The following CUX1 variants were observed in gnomAD, a reference collection of about 807,000 sequenced individuals.
CUX1 encodes the protein protein CASP.
Under a neutral mutation model 158.8 loss-of-function variants are expected in CUX1, and 31 were observed. The observed-to-expected ratio is 0.20, with a 90% CI of 0.15 to 0.26. The LOEUF (loss-of-function observed/expected upper bound fraction) is 0.26. Ranked by LOEUF, CUX1 falls within the 10% of genes least tolerant of loss-of-function variation. The pLI is 1.00. For synonymous variants in CUX1, 879 were observed against 862.1 expected (o/e 1.02, Z -0.34); for missense variants, 1,589 against 2,014.6 (o/e 0.79, Z 4.04).
chr7:102,064,465 T>G (rs1825309286), intron 3 of CUX1, among the ~76,000 whole-genome samples: 1 of 151,916 alleles, frequency 6.6e-6, no homozygotes, highest in South Asian at 2.1e-4. Context: ...AGACCTCACC[T>G]TAGACGTTTG....
intron 6 of CUX1, among the ~76,000 whole-genome samples, chr7:102,111,125 G>A (rs1398201096): frequency 1.3e-5 from 2 of 151,644 alleles, no homozygotes; most frequent in African/African-American, 2.4e-5. Flanking sequence ...CCCAGATTAA[G>A]AGGAAGGAAT....
rs1029368197 is a variant in CUX1 at position 101,916,813 on chromosome 7, G to A, written c.141+588G>A. ...CTCCTGTTTTTTCTCTCGTGAGTGT[G>A]CAATCGGGGGACAGTGTTGAGTTGC... On this transcript the variant is annotated intron_variant, in intron 2 of 23. Transcript: ENST00000292535. This position sits in a 1 kb window ranked among gnomAD's most constrained non-coding sequence, Gnocchi z 4.4. Among the ~76,000 whole-genome samples, 1 of 152,136 alleles carries A rather than the reference G, an allele frequency of 6.6e-6. No homozygotes were observed. Among genetic ancestry groups the A allele is most frequent in the African/African-American group, 2.4e-5 (1 of 41,424 alleles).
chr7:102,169,271 G>T (rs1299160008), intron 9 of CUX1, among the ~76,000 whole-genome samples: 1 of 152,096 alleles, frequency 6.6e-6, no homozygotes, highest in Non-Finnish European at 1.5e-5. Context: ...GTTTCACCAT[G>T]TTGGCCAGGC....
chr7:101,898,629 G>A (rs1347206366), intron 1 of CUX1, among the ~76,000 whole-genome samples: 1 of 138,024 alleles, frequency 7.2e-6, no homozygotes, highest in African/African-American at 2.7e-5. Flanking sequence ...CTTGCCCTGT[G>A]GCCTGGGCTG....
intron 2 of CUX1, among the ~76,000 whole-genome samples, chr7:101,931,123 G>C (rs1161164400): frequency 6.6e-6 from 1 of 152,156 alleles, no homozygotes; most frequent in Non-Finnish European, 1.5e-5. Flanking sequence ...CACACATTTT[G>C]CAACAAGAGA....
chr7:101,888,469 C>G (rs1005881276), intron 1 of CUX1, among the ~76,000 whole-genome samples: 2 of 152,202 alleles, frequency 1.3e-5, no homozygotes, highest in Admixed American at 6.5e-5. Flanking sequence ...CCTCTTAATA[C>G]ATTGGTTTAT....
chr7:101,944,170 C>G (rs1488410001), intron 2 of CUX1, among the ~76,000 whole-genome samples: 2 of 152,094 alleles, frequency 1.3e-5, no homozygotes, highest in Non-Finnish European at 2.9e-5. Context: ...GTCCCAGCCC[C>G]TCCCGATGGC....
Position 102,253,129 on chromosome 7 carries a change from C to A in CUX1, c.*4087C>A. The A allele has an allele frequency of 1.0e-6, 1 of 985,584 alleles. No individual in the cohort carries two copies. Among genetic ancestry groups the A allele is most frequent in the Non-Finnish European group, 1.2e-6 (1 of 830,010 alleles). 61.1% of individuals were successfully genotyped at this position (985,584 alleles called of 1,614,324 possible). A position where few individuals can be genotyped will look rare whatever the true frequency, so the allele number is the denominator to read the frequency against. ...TGCTCAGTTTCCTTCCTGTCGCCAT[C>A]TTTGTTTTCTTCCCATTGAAAAACC... On this transcript the variant is annotated 3_prime_UTR_variant, in exon 24 of 24. Coordinates refer to ENST00000292535, the MANE Select transcript of CUX1 (RefSeq NM_181552.4).
intron 1 of CUX1, among the ~76,000 whole-genome samples, chr7:101,884,583 G>A (rs1023731749): frequency 2.0e-5 from 3 of 152,170 alleles, no homozygotes; most frequent in African/African-American, 7.2e-5. Flanking sequence ...TGGGAAAGCA[G>A]GCTTCTCTAA....
chr7:101,950,922 C>T (rs1005467281), intron 2 of CUX1, among the ~76,000 whole-genome samples: 2 of 152,182 alleles, frequency 1.3e-5, no homozygotes, highest in African/African-American at 2.4e-5. Flanking sequence ...TTCTTAGTTA[C>T]CATAGCAACT....
At chr7:102,099,399 T>C (rs900594861) in intron 5 of CUX1, among the ~76,000 whole-genome samples, 5 of 152,090 alleles carry the variant, frequency 3.3e-5, no homozygotes, top group Admixed American at 2.6e-4. Flanking sequence ...ATCACGCCAG[T>C]ATTGCAGTAA....
At chr7:102,137,963 ATCACT>A (rs1417146630) in intron 8 of CUX1, among the ~76,000 whole-genome samples, 1 of 152,134 alleles carries the variant, frequency 6.6e-6, no homozygotes, top group Admixed American at 6.6e-5. Context: ...AGGCAGAAGG[ATCACT>A]TGAACCCAGG....
chr7:102,277,066 G>A (rs1251939819), intron 17 of CUX1, among the ~76,000 whole-genome samples: 2 of 152,300 alleles, frequency 1.3e-5, no homozygotes, highest in East Asian at 3.9e-4. Context: ...TTGGGAGGCC[G>A]AAGTGGGAAG....
chr7:102,066,996 C>T (rs1013357033), intron 3 of CUX1, among the ~76,000 whole-genome samples: 3 of 152,126 alleles, frequency 2.0e-5, no homozygotes, highest in Non-Finnish European at 4.4e-5. Context: ...ATTCACATAC[C>T]ATATAATTCA....
intron 4 of CUX1, among the ~76,000 whole-genome samples, chr7:102,077,812 T>C (rs1283027075): frequency 6.6e-6 from 1 of 152,156 alleles, no homozygotes; most frequent in East Asian, 1.9e-4. Context: ...ATTATGACAG[T>C]ATGCATAATT....
intron 1 of CUX1, among the ~76,000 whole-genome samples, chr7:101,872,673 G>T (rs370189208): frequency 1.2e-3 from 186 of 152,004 alleles, no homozygotes; most frequent in South Asian, 2.1e-3. Context: ...ATCTGTTTTT[G>T]TGTGTGTATG....
chr7:102,063,142 A>G (rs1470768582), intron 3 of CUX1, among the ~76,000 whole-genome samples: 2 of 152,046 alleles, frequency 1.3e-5, no homozygotes, highest in Admixed American at 6.6e-5. Flanking sequence ...TTAAAAAAAA[A>G]AAAACTCAGC....
intron 2 of CUX1, among the ~76,000 whole-genome samples, chr7:102,027,135 A>G (rs1367938804): frequency 6.6e-6 from 1 of 152,200 alleles, no homozygotes; most frequent in Admixed American, 6.5e-5. Flanking sequence ...CTGTAATCCC[A>G]GCACTTTGGG....
At chr7:102,105,238 TAC>T (rs1192538164) in intron 6 of CUX1, among the ~76,000 whole-genome samples, 2 of 151,394 alleles carry the variant, frequency 1.3e-5, no homozygotes, top group Middle Eastern at 3.4e-3. Flanking sequence ...TATTTAATAT[TAC>T]ACACACGCGC....
Sources: allele counts gnomAD v4.1 joint callset (sites outside exome capture counted in the v4.1 genomes callset), GRCh38; gene constraint gnomAD v4.1.1; non-coding constraint Gnocchi (gnomAD v3.1); transcripts MANE v1.5; gene names NCBI Gene and HGNC (gene_info 2026-07-23, HGNC 2026-07-21).